Variants in FBXO25 observed in about 807,000 individuals in gnomAD.
FBXO25 encodes the protein F-box protein 25.
In FBXO25, 45 loss-of-function variants were observed where a neutral mutation model predicts 51.9. The ratio of observed to expected loss-of-function variants is 0.87; its 90% CI spans 0.68 to 1.11. The LOEUF (loss-of-function observed/expected upper bound fraction) is 1.11. Ranked by LOEUF, FBXO25 falls within the 50% of genes most tolerant of loss-of-function variation. The pLI, the probability that FBXO25 is intolerant of heterozygous loss-of-function variation, is 0.00. For synonymous variants in FBXO25, 199 were observed against 151.0 expected (o/e 1.32, Z -2.33); for missense variants, 507 against 428.5 (o/e 1.18, Z -1.62).
intron 4 of FBXO25, among the ~76,000 whole-genome samples, chr8:433,829 A>G (rs997690060): frequency 6.6e-6 from 1 of 152,230 alleles, no homozygotes; most frequent in African/African-American, 2.4e-5. Context: ...TTAGATTCTG[A>G]GAAAGAAAAC....
intron 5 of FBXO25, among the ~76,000 whole-genome samples, chr8:440,069 A>C (rs531430603): frequency 1.3e-4 from 20 of 152,302 alleles, no homozygotes; most frequent in African/African-American, 4.6e-4. Flanking sequence ...TTAGTGAGTG[A>C]CCCTGAGCCC....
In FBXO25 at chr8:458,529, A is replaced by T; in HGVS notation, c.821A>T (p.Gln274Leu). 2 of 1,614,136 alleles carry T rather than the reference A, an allele frequency of 1.2e-6. No individual in the cohort carries two copies. The highest frequency in any genetic ancestry group is 8.5e-7 in the Non-Finnish European group (1 of 1,179,994). The change falls in exon 8 of 10, where the codon CAG (glutamine) becomes CTG (leucine). Residue 274 changes from glutamine to leucine, a missense_variant. Physicochemically the swap from Gln to Leu is moderately radical, Grantham distance 113. Transcript: ENST00000350302. ...EDRQLWKKLC[Q>L]YHFAEKQFCR... Reference sequence around the variant, plus strand: ...AGACAGCTGTGGAAGAAGCTTTGTCAGTACCATTTTGCTGAAAAGCAGGTG... The same window carrying T: ...AGACAGCTGTGGAAGAAGCTTTGTCTGTACCATTTTGCTGAAAAGCAGGTG...
intron 4 of FBXO25, among the ~76,000 whole-genome samples, chr8:435,059 C>T (rs1798022522): frequency 6.6e-6 from 1 of 152,194 alleles, no homozygotes; most frequent in African/African-American, 2.4e-5. Context: ...TACCGAAGCA[C>T]CTCTCCCAGC....
intron 1 of FBXO25, among the ~76,000 whole-genome samples, chr8:410,353 T>G (rs953773938): frequency 1.3e-5 from 2 of 152,150 alleles, no homozygotes; most frequent in African/African-American, 4.8e-5. Context: ...TAACATGTAG[T>G]TGGTGCTCAA....
At chr8:460,013 T>C (rs11781282) in intron 8 of FBXO25, among the ~76,000 whole-genome samples, 45,099 of 151,914 alleles carry the variant, frequency 0.3, 6,820 homozygotes, top group East Asian at 0.37. Flanking sequence ...AGATTGAATT[T>C]TAAGTCAGCA....
chr8:408,639 G>C (rs1020741367), intron 1 of FBXO25, among the ~76,000 whole-genome samples: 1 of 152,202 alleles, frequency 6.6e-6, no homozygotes, highest in Non-Finnish European at 1.5e-5. Context: ...CATTATTATT[G>C]TTAAGAAAAA....
intron 8 of FBXO25, 105 bp downstream of exon 8, chr8:458,656 T>C (rs1428228634): frequency 3.0e-5 from 33 of 1,108,708 alleles, no homozygotes; most frequent in Non-Finnish European, 4.2e-5. Flanking sequence ...CTGAGTATTT[T>C]CTACTTTTAA....
At position 471,925 on chromosome 8, in the gene FBXO25, T is replaced by C. The variant is rs571246190; in HGVS notation, c.*3121T>C. 1 of 152,394 alleles carries C rather than the reference T, an allele frequency of 6.6e-6. No homozygotes were observed. Among genetic ancestry groups the C allele is most frequent in the African/African-American group, 2.4e-5 (1 of 41,598 alleles). 9.4% of individuals were successfully genotyped at this position (152,394 alleles called of 1,614,324 possible). ...GTGAACAGTTTTTTGCCTTAAGTGC[T>C]GCTTTTAGAACCAAACTGTCATATA... On this transcript the variant is annotated 3_prime_UTR_variant, in exon 10 of 10. Coordinates refer to ENST00000350302, the MANE Select transcript of FBXO25 (RefSeq NM_183420.2).
rs1640178331 is a variant in FBXO25 at position 476,711 on chromosome 8, A to G, written c.*7907A>G. 1 of 152,038 alleles carries G rather than the reference A, an allele frequency of 6.6e-6. No individual in the cohort carries two copies. Among genetic ancestry groups the G allele is most frequent in the East Asian group, 1.9e-4 (1 of 5,184 alleles). The allele number at this position is 152,038 out of a possible 1,614,324, so 9.4% of individuals were successfully genotyped here. A position where few individuals can be genotyped will look rare whatever the true frequency, so the allele number is the denominator to read the frequency against. ...GTTGTAATGTCTCCTCCTGGTTTTT[A>G]GTTGTTTTTCTTAGTCACTCTTAGC... On this transcript the variant is annotated 3_prime_UTR_variant, in exon 10 of 10. Transcript: ENST00000350302.
chr8:456,713 C>T (rs1799460066), intron 7 of FBXO25, among the ~76,000 whole-genome samples: 1 of 152,190 alleles, frequency 6.6e-6, no homozygotes, highest in South Asian at 2.1e-4. Context: ...TGAGGCCCCA[C>T]TCGTGTCTGG....
chr8:470,914 T>C lies in FBXO25; in HGVS notation c.*2110T>C, dbSNP rs1019204150. The C allele has an allele frequency of 2.6e-5, 4 of 152,210 alleles. No individual in the cohort carries two copies. The highest frequency in any genetic ancestry group is 5.9e-5 in the Non-Finnish European group (4 of 68,028). The allele number at this position is 152,210 out of a possible 1,614,324, so 9.4% of individuals were successfully genotyped here. On this transcript the variant is annotated 3_prime_UTR_variant, in exon 10 of 10. Transcript: ENST00000350302. ...TGTTTTTTGGGGTGGATGTCAGTCT[T>C]TTTTCATGTTAGTTTCTTCTTAAAA...
intron 2 of FBXO25, among the ~76,000 whole-genome samples, chr8:415,777 T>C (rs566260442): frequency 1.3e-5 from 2 of 152,322 alleles, no homozygotes; most frequent in South Asian, 4.1e-4. Flanking sequence ...CACTCAGTTT[T>C]ATGTTTGATG....
intron 7 of FBXO25, 90 bp from the exon 8 acceptor site, chr8:458,279 G>A (rs1799584409): frequency 7.0e-7 from 1 of 1,419,206 alleles, no homozygotes; most frequent in Admixed American, 1.9e-5. Flanking sequence ...ACCATGTTTT[G>A]AAGCATTCAT....
chr8:424,333 A>G (rs1411729869), intron 2 of FBXO25, among the ~76,000 whole-genome samples: 1 of 152,056 alleles, frequency 6.6e-6, no homozygotes, highest in Non-Finnish European at 1.5e-5. Flanking sequence ...CTCTGTCAAT[A>G]GTTTCTCTTG....
intron 9 of FBXO25, among the ~76,000 whole-genome samples, chr8:464,271 C>G (rs911747497): frequency 3.3e-5 from 5 of 152,198 alleles, no homozygotes; most frequent in Non-Finnish European, 2.9e-5. Context: ...CCACTTTTTT[C>G]TTAACATGTT....
chr8:454,192 G>A (rs1799271589), intron 7 of FBXO25, among the ~76,000 whole-genome samples: 1 of 152,202 alleles, frequency 6.6e-6, no homozygotes, highest in African/African-American at 2.4e-5. Context: ...CAGAAATTTA[G>A]TATATATTTG....
chr8:452,767 T>C (rs1197207896), intron 7 of FBXO25, among the ~76,000 whole-genome samples: 11 of 152,140 alleles, frequency 7.2e-5, no homozygotes, highest in Non-Finnish European at 1.6e-4. Context: ...AGTGGAGAGA[T>C]GTGCACCGGT....
chr8:414,076 T>G (rs954444906), intron 2 of FBXO25, among the ~76,000 whole-genome samples: 2 of 152,188 alleles, frequency 1.3e-5, no homozygotes, highest in African/African-American at 4.8e-5. Context: ...GGCCATATGT[T>G]TTTCTGACAG....
intron 5 of FBXO25, among the ~76,000 whole-genome samples, chr8:441,145 A>G (rs1585054774): frequency 6.6e-6 from 1 of 151,874 alleles, no homozygotes; most frequent in Non-Finnish European, 1.5e-5. Flanking sequence ...CCAAAACAGC[A>G]TGATACTGGT....
Sources: gnomAD v4.1 joint callset for allele counts (sites outside exome capture counted in the v4.1 genomes callset) on GRCh38, gnomAD v4.1.1 for gene constraint, MANE v1.5 for transcripts, NCBI Gene and HGNC (gene_info 2026-07-23, HGNC 2026-07-21) for gene names.